The following ATP8B1 variants were observed in gnomAD, a reference collection of about 807,000 sequenced individuals.
The protein encoded by ATP8B1 is phospholipid-transporting ATPase IC.
In ATP8B1, 80 loss-of-function variants were observed where a neutral mutation model predicts 149.9. The ratio of observed to expected loss-of-function variants is 0.53; its 90% confidence interval spans 0.45 to 0.64. The LOEUF is 0.64. ATP8B1 is among the 30% of genes least tolerant of loss of function. ATP8B1 has a pLI of 0.00. For synonymous variants in ATP8B1, 536 were observed against 562.8 expected (o/e 0.95, Z 0.67); for missense variants, 1,247 against 1,552.6 (o/e 0.80, Z 3.31).
intron 1 of ATP8B1, among the ~76,000 whole-genome samples, chr18:57,790,392 G>A (rs568683340): frequency 4.1e-5 from 6 of 145,664 alleles, no homozygotes; most frequent in Non-Finnish European, 6.0e-5. Context: ...ATCACATCAC[G>A]CCGCTGCTTA....
intron 1 of ATP8B1, among the ~76,000 whole-genome samples, chr18:57,785,858 A>T (rs2080402962): frequency 6.6e-6 from 1 of 152,210 alleles, no homozygotes; most frequent in African/African-American, 2.4e-5. Flanking sequence ...AAGTCCAAGA[A>T]AGAACTTGGT....
At chr18:57,664,911 C>T (rs564614945) in intron 20 of ATP8B1, among the ~76,000 whole-genome samples, 2 of 152,326 alleles carry the variant, frequency 1.3e-5, no homozygotes, top group African/African-American at 4.8e-5. Flanking sequence ...TTGTTCTTCT[C>T]CTTCCAAAGA....
chr18:57,708,716 TAACTC>T (rs1274248999), intron 2 of ATP8B1, among the ~76,000 whole-genome samples: 23 of 152,314 alleles, frequency 1.5e-4, no homozygotes, highest in African/African-American at 5.1e-4. Context: ...ATTTTAGAAA[TAACTC>T]AAGTGGAAAG....
chr18:57,677,154 A>T lies in ATP8B1; in HGVS notation c.1631-2132T>A, dbSNP rs568300905. Among the ~76,000 whole-genome samples, 3 of 152,348 alleles carry T rather than the reference A, an allele frequency of 2.0e-5. No individual in the cohort carries two copies. In the South Asian group the frequency reaches 6.2e-4, roughly 32 times the overall value. On this transcript the variant is annotated intron_variant, in intron 15 of 27. Transcript: ENST00000648908. ...CTGTGTTATTCGTAGTCAGGAAAGTACTTTTCTTGTAATCACTGGAAAGGA... is the reference window on the plus strand; with the variant it reads ...CTGTGTTATTCGTAGTCAGGAAAGTTCTTTTCTTGTAATCACTGGAAAGGA...
intron 15 of ATP8B1, among the ~76,000 whole-genome samples, chr18:57,682,902 G>A (rs1912053378): frequency 1.3e-5 from 2 of 152,032 alleles, no homozygotes; most frequent in South Asian, 4.2e-4. Context: ...GTAATGGTGA[G>A]ACTATGGCTC....
Position 57,688,407 on chromosome 18 carries a change from G to A in ATP8B1, c.1321C>T (p.Leu441Phe), listed in dbSNP as rs748678541. The A allele has an allele frequency of 6.2e-7, 1 of 1,614,216 alleles. No individual in the cohort carries two copies. The highest frequency in any genetic ancestry group is 8.5e-7 in the Non-Finnish European group (1 of 1,180,034). ...DTPAKARTTTLNEQLGQIHYI... is the reference protein window; with the variant it reads ...DTPAKARTTTFNEQLGQIHYI... ...TGGATCTGCCCGAGCTGTTCATTGA[G>A]TGTGGTGGTTCTAGCTTTTGCGGGT... The change falls in exon 13 of 28, where the codon CTC becomes TTC. Residue 441 changes from leucine (L) to phenylalanine (F), a missense_variant. Leu to Phe is a conservative substitution (Grantham distance 22). Coordinates refer to ENST00000648908, the MANE Select transcript of ATP8B1 (RefSeq NM_001374385.1).
chr18:57,775,238 G>A (rs1392868369), intron 1 of ATP8B1, among the ~76,000 whole-genome samples: 2 of 152,076 alleles, frequency 1.3e-5, no homozygotes, highest in Non-Finnish European at 2.9e-5. Context: ...GATTGCTTGA[G>A]CCCAGGGGTC....
intron 14 of ATP8B1, among the ~76,000 whole-genome samples, 195 bp from the exon 15 acceptor site, chr18:57,684,387 A>G (rs1319588697): frequency 6.6e-6 from 1 of 151,248 alleles, no homozygotes; most frequent in Non-Finnish European, 1.5e-5. Flanking sequence ...TTGGAAACAT[A>G]TATGACCATA....
At chr18:57,700,518 A>T (rs1913064729) in intron 6 of ATP8B1, among the ~76,000 whole-genome samples, 2 of 152,222 alleles carry the variant, frequency 1.3e-5, no homozygotes, top group African/African-American at 4.8e-5. Flanking sequence ...TATGTTAAAA[A>T]TTTTAATGAA....
At chr18:57,707,698 G>C (rs532426046) in intron 2 of ATP8B1, among the ~76,000 whole-genome samples, 1 of 151,314 alleles carries the variant, frequency 6.6e-6, no homozygotes, top group Admixed American at 6.6e-5. Context: ...TAGTAGAGAC[G>C]GGGTTTCACC....
intron 27 of ATP8B1, among the ~76,000 whole-genome samples, 155 bp downstream of exon 27, chr18:57,650,212 G>GACTTATTTGTGAGATAGAGTT (rs1909512431): frequency 1.3e-5 from 2 of 152,186 alleles, no homozygotes; most frequent in Non-Finnish European, 2.9e-5. Context: ...AATTCCAAAA[G>GACTTATTTGTGAGATAGAGTT]ACTTATTTGT....
At chr18:57,688,225 T>C in intron 13 of ATP8B1, 74 bp downstream of exon 13, 1 of 1,482,884 alleles carries the variant, frequency 6.7e-7, no homozygotes, top group Non-Finnish European at 9.4e-7. Context: ...GGAGACAGGC[T>C]ATAGTCCAAG....
At chr18:57,778,484 C>G (rs1351230490) in intron 1 of ATP8B1, among the ~76,000 whole-genome samples, 1 of 152,110 alleles carries the variant, frequency 6.6e-6, no homozygotes. Flanking sequence ...CCCGCCTCGC[C>G]CTCCCAAAGT....
In ATP8B1 at chr18:57,650,488, G is replaced by C. The variant is rs74414989; in HGVS notation, c.3410C>G (p.Ser1137Ter). 1 of 1,613,516 alleles carries C rather than the reference G, an allele frequency of 6.2e-7. No homozygotes were observed. ...PSAFQFTGTASNALRQPYIWL... is the reference protein window; with the variant it reads ...PSAFQFTGTA ...AATGTATGGCTGTCTCAGAGCGTTTGAAGCTGTGCCTGTAAAGAACATGGC... is the reference window on the plus strand; with the variant it reads ...AATGTATGGCTGTCTCAGAGCGTTTCAAGCTGTGCCTGTAAAGAACATGGC... The change falls in exon 27 of 28, where the codon TCA becomes TGA. Residue 1137 changes from serine (S) to a stop codon, truncating the protein, a stop_gained. Coordinates refer to ENST00000648908, the MANE Select transcript of ATP8B1 (RefSeq NM_001374385.1). LOFTEE classifies it high-confidence loss of function.
intron 1 of ATP8B1, among the ~76,000 whole-genome samples, chr18:57,798,067 C>T (rs1349258020): frequency 6.6e-6 from 1 of 152,028 alleles, no homozygotes; most frequent in East Asian, 1.9e-4. Context: ...CCACAGACTT[C>T]CATGAAGCAG....
chr18:57,680,626 C>A (rs1177363459), intron 15 of ATP8B1, among the ~76,000 whole-genome samples: 4 of 143,914 alleles, frequency 2.8e-5, no homozygotes, highest in African/African-American at 1.1e-4. Context: ...AAAAAAAAAA[C>A]CACACACGCT....
intron 1 of ATP8B1, among the ~76,000 whole-genome samples, chr18:57,798,511 A>C (rs1455272965): frequency 6.6e-5 from 10 of 152,128 alleles, no homozygotes; most frequent in Admixed American, 6.6e-4. Flanking sequence ...TGGGAGAATC[A>C]CCTGAGCCCA....
intron 15 of ATP8B1, among the ~76,000 whole-genome samples, chr18:57,676,795 T>G (rs1911628120): frequency 6.6e-6 from 1 of 150,526 alleles, no homozygotes; most frequent in Non-Finnish European, 1.5e-5. Context: ...CTATCCGATA[T>G]CTTAATGTTT....
chr18:57,767,549 A>G (rs1255661849), intron 1 of ATP8B1, among the ~76,000 whole-genome samples: 1 of 152,040 alleles, frequency 6.6e-6, no homozygotes, highest in Non-Finnish European at 1.5e-5. Flanking sequence ...GCACTTGGGG[A>G]GGGCGAGGTG....
Sources: gnomAD v4.1 joint callset for allele counts (sites outside exome capture counted in the v4.1 genomes callset) on GRCh38, gnomAD v4.1.1 for gene constraint, MANE v1.5 for transcripts, NCBI Gene and HGNC (gene_info 2026-07-23, HGNC 2026-07-21) for gene names.